Variants in EFNA5 observed in about 807,000 individuals in gnomAD.
EFNA5 encodes ephrin A5.
Under a neutral mutation model 22.9 loss-of-function variants are expected in EFNA5, and 5 were observed. The observed-to-expected ratio is 0.22, with a 90% CI of 0.11 to 0.46. The LOEUF (loss-of-function observed/expected upper bound fraction) is 0.46, where lower values mean the gene tolerates loss of function less well. Ranked by LOEUF, EFNA5 falls within the 20% of genes least tolerant of loss-of-function variation. EFNA5 has a pLI of 0.99. For synonymous variants in EFNA5, 113 were observed against 112.2 expected (o/e 1.01, Z -0.04); for missense variants, 237 against 293.3 (o/e 0.81, Z 1.40).
intron 1 of EFNA5, among the ~76,000 whole-genome samples, chr5:107,570,669 G>T (rs1318916008): frequency 6.6e-6 from 1 of 151,842 alleles, no homozygotes; most frequent in Non-Finnish European, 1.5e-5. Context: ...GGGCGGGCAG[G>T]TATTAATGAT....
rs545206155 is a variant in EFNA5, at chr5:107,488,384, A to G, written c.126-60875T>C. On this transcript the variant is annotated intron_variant, in intron 1 of 4. Transcript: ENST00000333274. Reference sequence around the variant, plus strand: ...TATTGTCTGTTTCACATTAATCCCCAAAGTCAAAGACGGTGAGTGAAGTAA... The same window carrying G: ...TATTGTCTGTTTCACATTAATCCCCGAAGTCAAAGACGGTGAGTGAAGTAA... Among the ~76,000 whole-genome samples the G allele has an allele frequency of 5.3e-5, 8 of 152,332 alleles. No individual in the cohort carries two copies. In the East Asian group the frequency reaches 1.2e-3, roughly 22 times the overall value.
At chr5:107,474,970 A>G (rs1430870078) in intron 1 of EFNA5, among the ~76,000 whole-genome samples, 1 of 152,216 alleles carries the variant, frequency 6.6e-6, no homozygotes, top group Non-Finnish European at 1.5e-5. Flanking sequence ...CACTGTTAAG[A>G]CAGTGTTTGT....
At chr5:107,458,925 C>CT in intron 1 of EFNA5, among the ~76,000 whole-genome samples, 1 of 152,190 alleles carries the variant, frequency 6.6e-6, no homozygotes, top group Non-Finnish European at 1.5e-5. Flanking sequence ...CAGTCTAGAT[C>CT]TTTTTTGTTT....
At chr5:107,591,389 C>A (rs937525545) in intron 1 of EFNA5, among the ~76,000 whole-genome samples, 2 of 152,106 alleles carry the variant, frequency 1.3e-5, no homozygotes, top group African/African-American at 2.4e-5. Flanking sequence ...TACTCTCCAG[C>A]TGACCACAGT....
chr5:107,648,938 G>C (rs1580581136), intron 1 of EFNA5, among the ~76,000 whole-genome samples: 1 of 152,236 alleles, frequency 6.6e-6, no homozygotes, highest in East Asian at 1.9e-4. Context: ...GAGGGTTGGG[G>C]AGAAGTAAAT....
At chr5:107,512,278 T>C (rs1047345741) in intron 1 of EFNA5, among the ~76,000 whole-genome samples, 32 of 152,068 alleles carry the variant, frequency 2.1e-4, no homozygotes, top group African/African-American at 7.5e-4. Flanking sequence ...GAACCCCACA[T>C]AGGCTCCTCA....
intron 1 of EFNA5, among the ~76,000 whole-genome samples, chr5:107,664,685 C>T (rs1214057472): frequency 6.6e-6 from 1 of 152,098 alleles, no homozygotes; most frequent in African/African-American, 2.4e-5. Flanking sequence ...GATCAAAGGG[C>T]AATTTTTTTC....
At position 107,535,368 on chromosome 5, in the gene EFNA5, G is replaced by A. The variant is rs568205920; in HGVS notation, c.126-107859C>T. Among the ~76,000 whole-genome samples, 7 of 152,254 alleles carry A rather than the reference G, an allele frequency of 4.6e-5. No individual in the cohort carries two copies. In the South Asian group the frequency reaches 1.4e-3, roughly 32 times the overall value. On this transcript the variant is annotated intron_variant, in intron 1 of 4. Transcript: ENST00000333274. Reference sequence around the variant, plus strand: ...GTAGTAGCAGATGATAAATAATACTGAAGAACTTCCAAATAATCTTCCTCC... The same window carrying A: ...GTAGTAGCAGATGATAAATAATACTAAAGAACTTCCAAATAATCTTCCTCC...
chr5:107,625,881 C>G (rs1750131058), intron 1 of EFNA5, among the ~76,000 whole-genome samples: 1 of 152,134 alleles, frequency 6.6e-6, no homozygotes. Context: ...TTTAGTTGAA[C>G]ATAGTTAAGT....
intron 1 of EFNA5, among the ~76,000 whole-genome samples, chr5:107,430,172 T>C (rs1188158219): frequency 6.6e-6 from 1 of 152,216 alleles, no homozygotes; most frequent in African/African-American, 2.4e-5. Context: ...AAGCCTGTGT[T>C]GCTTTTAAAA....
At chr5:107,509,485 A>ATTTTTTTTTTTTTTTTT (rs35228224) in intron 1 of EFNA5, among the ~76,000 whole-genome samples, 1 of 125,242 alleles carries the variant, frequency 8.0e-6, no homozygotes, top group Non-Finnish European at 1.7e-5. Context: ...TGCTTGGCTA[A>ATTTTTTTTTTTTTTTTT]TTTTTTTTTT....
chr5:107,395,034 C>CTTTTTGTTTTTTTTTTTTTT (rs1747883804), intron 2 of EFNA5, among the ~76,000 whole-genome samples: 1 of 86,142 alleles, frequency 1.2e-5, no homozygotes, highest in African/African-American at 4.3e-5. Context: ...ATTTCTAGTT[C>CTTTTTGTTTTTTTTTTTTTT]TTTTTTTTTT....
chr5:107,567,727 G>C lies in EFNA5; in HGVS notation c.125+102762C>G, dbSNP rs969337811. 7.2e-4 allele frequency among the ~76,000 whole-genome samples: 109 copies of C among 152,314 alleles called. 1 individual carries two copies. The highest frequency in any genetic ancestry group is 2.5e-3 in the African/African-American group (105 of 41,578). ...AAAACAATAGCCAGGTTCCCTGAAGGCTGCAGATAGGGAAAACCTAGGTGG... is the reference window on the plus strand; with the variant it reads ...AAAACAATAGCCAGGTTCCCTGAAGCCTGCAGATAGGGAAAACCTAGGTGG... On this transcript the variant is annotated intron_variant, in intron 1 of 4. Transcript: ENST00000333274.
At chr5:107,432,814 G>C (rs1748999081) in intron 1 of EFNA5, among the ~76,000 whole-genome samples, 1 of 152,064 alleles carries the variant, frequency 6.6e-6, no homozygotes, top group East Asian at 1.9e-4. Context: ...TGAACTGCAT[G>C]GATCCACTTA....
At chr5:107,590,160 G>A (rs1749287404) in intron 1 of EFNA5, among the ~76,000 whole-genome samples, 2 of 152,068 alleles carry the variant, frequency 1.3e-5, no homozygotes, top group African/African-American at 4.8e-5. Flanking sequence ...GCAGGTAAGA[G>A]GACGAAAGAA....
At chr5:107,598,880 T>C (rs1749531156) in intron 1 of EFNA5, among the ~76,000 whole-genome samples, 1 of 152,160 alleles carries the variant, frequency 6.6e-6, no homozygotes, top group Non-Finnish European at 1.5e-5. Flanking sequence ...CTGTGAACCA[T>C]TTCTTTTGAA....
At chr5:107,423,178 T>C (rs1748716517) in intron 2 of EFNA5, among the ~76,000 whole-genome samples, 1 of 152,194 alleles carries the variant, frequency 6.6e-6, no homozygotes, top group Non-Finnish European at 1.5e-5. Flanking sequence ...CTCAAGATCA[T>C]ACAGCTAGTT....
Position 107,399,323 on chromosome 5 carries a change from A to AC in EFNA5, c.419-11553_419-11552insG, listed in dbSNP as rs1561369547. Among the ~76,000 whole-genome samples the AC allele has an allele frequency of 9.8e-3, 938 of 95,672 alleles. 15 individuals are homozygous for AC. Among genetic ancestry groups the AC allele is most frequent in the African/African-American group, 0.03 (883 of 29,574 alleles). The allele number at this position is 95,672 out of a possible 152,430, so 62.8% of individuals were successfully genotyped here. The stretch of plus-strand genomic sequence containing the variant: ...GAAGGAAGGAAGGAAGGAAACGGAA[A>AC]GGAAAGGAAAGGAAAGGAAAGGAAA... On this transcript the variant is annotated intron_variant, in intron 2 of 4. Coordinates refer to ENST00000333274, the MANE Select transcript of EFNA5 (RefSeq NM_001962.3).
chr5:107,450,871 C>T (rs772747771), intron 1 of EFNA5, among the ~76,000 whole-genome samples: 7 of 152,190 alleles, frequency 4.6e-5, no homozygotes, highest in Admixed American at 6.5e-5. Flanking sequence ...TCATTTATCC[C>T]ATTTCTTAAG....
Sources: gnomAD v4.1 joint callset for allele counts (sites outside exome capture counted in the v4.1 genomes callset) on GRCh38, gnomAD v4.1.1 for gene constraint, MANE v1.5 for transcripts, NCBI Gene and HGNC (gene_info 2026-07-23, HGNC 2026-07-21) for gene names.